The following SCN3A variants were observed in gnomAD, a reference collection of about 807,000 sequenced individuals.
The protein encoded by SCN3A is sodium channel protein type 3 subunit alpha.
In SCN3A, 60 loss-of-function variants were observed where a neutral mutation model predicts 187.6. That is an observed-to-expected ratio of 0.32 (90% CI 0.26 to 0.40). The LOEUF (loss-of-function observed/expected upper bound fraction) is 0.40, where lower values mean the gene tolerates loss of function less well. SCN3A is among the 10% of genes least tolerant of loss of function. SCN3A has a pLI of 1.00. For missense variants in SCN3A, 1,601 were observed against 2,428.2 expected, an observed-to-expected ratio of 0.66 and a Z score of 7.16; for synonymous variants, 788 against 829.2, an observed-to-expected ratio of 0.95 and a Z score of 0.85.
chr2:165,177,857 T>C (rs1029132903), intron 2 of SCN3A, among the ~76,000 whole-genome samples: 2 of 152,156 alleles, frequency 1.3e-5, no homozygotes, highest in Non-Finnish European at 2.9e-5. Flanking sequence ...TCAAGATAGA[T>C]AGAATATAGA....
intron 3 of SCN3A, among the ~76,000 whole-genome samples, chr2:165,173,345 C>T (rs577785000): frequency 6.6e-6 from 1 of 152,296 alleles, no homozygotes; most frequent in African/African-American, 2.4e-5. Flanking sequence ...ATCCTGGATT[C>T]ACCACTTAAG....
Position 165,163,667 on chromosome 2 carries a change from C to G in SCN3A, c.645G>C (p.Leu215Phe). The change falls in exon 7 of 28, where the codon TTG (leucine) becomes TTC (phenylalanine). Residue 215 changes from leucine to phenylalanine, a missense_variant. Transcript: ENST00000283254. ...EFVDLGNVSA[L>F]RTFRVLRALK... ...GTGCTCGGAGAACTCTGAATGTTCTCAACGCTGAGACATTGCCCAGGTCCA... is the reference window on the plus strand; with the variant it reads ...GTGCTCGGAGAACTCTGAATGTTCTGAACGCTGAGACATTGCCCAGGTCCA... 1.2e-6 allele frequency: 2 copies of G among 1,614,098 alleles called. No homozygotes were observed. Among genetic ancestry groups the G allele is most frequent in the African/African-American group, 1.3e-5 (1 of 75,030 alleles).
At chr2:165,181,472 C>CA (rs1248619143) in intron 2 of SCN3A, among the ~76,000 whole-genome samples, 1 of 151,986 alleles carries the variant, frequency 6.6e-6, no homozygotes, top group African/African-American at 2.4e-5. Context: ...ATATAATATC[C>CA]AAAAATCGCA....
Position 165,201,674 on chromosome 2 carries a change from A to G in SCN3A, c.-248+2149T>C, listed in dbSNP as rs552130623. Among the ~76,000 whole-genome samples, 5 of 152,148 alleles carry G rather than the reference A, an allele frequency of 3.3e-5. No homozygotes were observed. The South Asian group carries it at 1.0e-3, about 31-fold the overall frequency. On this transcript the variant is annotated intron_variant, in intron 1 of 27. Transcript: ENST00000283254. The stretch of plus-strand genomic sequence containing the variant: ...AGTGGCCATAAAATGTAACCTGCCA[A>G]GCTCTTGCTCTTAACCACTTCTCCA...
chr2:165,181,701 T>A (rs1175527198), intron 2 of SCN3A, among the ~76,000 whole-genome samples: 2 of 152,212 alleles, frequency 1.3e-5, no homozygotes, highest in Admixed American at 6.5e-5. Context: ...CAAGTCTGAA[T>A]AACCATAGTT....
chr2:165,186,214 G>C (rs1424331460), intron 2 of SCN3A, among the ~76,000 whole-genome samples: 1 of 152,044 alleles, frequency 6.6e-6, no homozygotes, highest in Non-Finnish European at 1.5e-5. Flanking sequence ...AGCTTGCGGT[G>C]AGCGAAGTTC....
chr2:165,107,216 T>C (rs1169680962), intron 21 of SCN3A, among the ~76,000 whole-genome samples: 1 of 152,196 alleles, frequency 6.6e-6, no homozygotes, highest in African/African-American at 2.4e-5. Context: ...AAAGTCTCTA[T>C]TAAAAGCCAT....
chr2:165,144,488 C>T (rs1036368078), intron 12 of SCN3A, among the ~76,000 whole-genome samples: 10 of 152,160 alleles, frequency 6.6e-5, no homozygotes, highest in Admixed American at 6.6e-5. Flanking sequence ...ACCAAGTCTA[C>T]CAGTTGCTTC....
rs1224306788 is a variant in SCN3A, at chr2:165,196,882, C to T, written c.-248+6941G>A. Among the ~76,000 whole-genome samples, 4 of 152,048 alleles carry T rather than the reference C, an allele frequency of 2.6e-5. No homozygotes were observed. The East Asian group carries it at 7.7e-4, about 29-fold the overall frequency. ...GATTCAAAGAATATCTTTCAGTAGA[C>T]CTACTCTTATTCGATTATTCAAGAT... On this transcript the variant is annotated intron_variant, in intron 1 of 27. Coordinates refer to ENST00000283254, the MANE Select transcript of SCN3A (RefSeq NM_006922.4).
intron 22 of SCN3A, among the ~76,000 whole-genome samples, chr2:165,098,667 C>T (rs2105653310): frequency 6.6e-6 from 1 of 152,210 alleles, no homozygotes; most frequent in East Asian, 1.9e-4. Context: ...AGAACAACAA[C>T]AATAACAAAA....
At chr2:165,165,633 A>G (rs926461462) in intron 5 of SCN3A, among the ~76,000 whole-genome samples, 3 of 152,150 alleles carry the variant, frequency 2.0e-5, no homozygotes, top group African/African-American at 7.2e-5. Flanking sequence ...TAAAAGCACA[A>G]TTTAAGTTTA....
At chr2:165,096,858 T>TA (rs1253453990) in intron 23 of SCN3A, among the ~76,000 whole-genome samples, 2 of 152,288 alleles carry the variant, frequency 1.3e-5, no homozygotes, top group Admixed American at 6.5e-5. Flanking sequence ...TCATATTTCT[T>TA]AGACATTGTT....
chr2:165,157,000 T>C (rs1449988251), intron 9 of SCN3A, among the ~76,000 whole-genome samples: 1 of 152,092 alleles, frequency 6.6e-6, no homozygotes, highest in Non-Finnish European at 1.5e-5. Flanking sequence ...AAGCTCCGCC[T>C]CCCAGGTTCA....
At chr2:165,147,567 T>A (rs1158879664) in intron 11 of SCN3A, among the ~76,000 whole-genome samples, 3 of 152,204 alleles carry the variant, frequency 2.0e-5, no homozygotes, top group Non-Finnish European at 4.4e-5. Flanking sequence ...CTTATCCTCT[T>A]CCTTCCTTTG....
In SCN3A at chr2:165,090,589, G is replaced by C. The variant is rs1344100779; in HGVS notation, c.5564C>G (p.Ala1855Gly). The stretch of plus-strand genomic sequence containing the variant: ...CTCACCCAAAACACGCTTTGTAAAG[G>C]CAAATAAAATATCAAGACAGTGGAT... ...DRIHCLDILFAFTKRVLGESG... is the reference protein window; with the variant it reads ...DRIHCLDILFGFTKRVLGESG... Residue 1855 changes from alanine (A) to glycine (G), a missense_variant, in exon 28 of 28, where the codon GCC (alanine) becomes GGC (glycine). This residue lies in a region of SCN3A where 110 missense variants were observed against 175.9 expected (regional missense o/e 0.63). Transcript: ENST00000283254. The surrounding 1 kb of genome is among the most constrained non-coding windows in gnomAD (Gnocchi z 4.0). 1 of 1,613,962 alleles carries C rather than the reference G, an allele frequency of 6.2e-7. No homozygotes were observed. The highest frequency in any genetic ancestry group is 2.2e-5 in the East Asian group (1 of 44,874).
chr2:165,168,685 CTA>C (rs771340121), intron 5 of SCN3A, 49 bp downstream of exon 5: 1 of 1,226,530 alleles, frequency 8.2e-7, no homozygotes, highest in Non-Finnish European at 1.2e-6. Context: ...AAGGAGATTG[CTA>C]GAGAATTTGA....
intron 19 of SCN3A, among the ~76,000 whole-genome samples, chr2:165,114,305 A>C (rs1311649835): frequency 1.3e-5 from 2 of 152,174 alleles, no homozygotes; most frequent in East Asian, 3.8e-4. Context: ...CAAAAACTAC[A>C]TGTTCGATTT....
chr2:165,120,397 AT>A (rs1686596716), intron 18 of SCN3A, among the ~76,000 whole-genome samples: 1 of 151,826 alleles, frequency 6.6e-6, no homozygotes, highest in Non-Finnish European at 1.5e-5. Flanking sequence ...ATTGCTCTTG[AT>A]TTTTATCCAA....
At chr2:165,118,180 C>T (rs1686466687) in intron 18 of SCN3A, among the ~76,000 whole-genome samples, 1 of 152,140 alleles carries the variant, frequency 6.6e-6, no homozygotes, top group African/African-American at 2.4e-5. Flanking sequence ...TGTATTTATA[C>T]ATCTTAAGAT....
Sources: allele counts gnomAD v4.1 joint callset (sites outside exome capture counted in the v4.1 genomes callset), GRCh38; gene constraint gnomAD v4.1.1; regional missense constraint gnomAD v4.1.1; non-coding constraint Gnocchi (gnomAD v3.1); transcripts MANE v1.5; gene names NCBI Gene and HGNC (gene_info 2026-07-23, HGNC 2026-07-21).